GFRA3: variants seen among roughly 807,000 people sequenced by gnomAD.
GFRA3 encodes the protein GDNF family receptor alpha-3.
A neutral mutation model predicts 40.0 loss-of-function variants in GFRA3; 24 were observed. The observed-to-expected ratio is 0.60, with a 90% confidence interval of 0.43 to 0.84. The LOEUF (loss-of-function observed/expected upper bound fraction) is 0.84, where lower values mean the gene tolerates loss of function less well. Among genes scored for constraint, GFRA3 ranks in the 40% least tolerant of loss-of-function variants. The probability of loss-of-function intolerance (pLI) is 0.00; values close to 1 mark genes in which losing one functional copy is unlikely to be tolerated. For missense variants in GFRA3, 405 were observed against 530.6 expected, an observed-to-expected ratio of 0.76 and a Z score of 2.33; for synonymous variants, 203 against 213.5, an observed-to-expected ratio of 0.95 and a Z score of 0.43.
At chr5:138,264,902 T>C (rs1561652151) in intron 1 of GFRA3, among the ~76,000 whole-genome samples, 1 of 152,120 alleles carries the variant, frequency 6.6e-6, no homozygotes, top group Non-Finnish European at 1.5e-5. Flanking sequence ...TGGGCAGGGC[T>C]AGTATCAGAA....
chr5:138,258,502 G>A (rs1002966435), intron 3 of GFRA3, among the ~76,000 whole-genome samples: 16 of 152,012 alleles, frequency 1.1e-4, no homozygotes, highest in Admixed American at 3.9e-4. Flanking sequence ...TCTTGACTAC[G>A]TAAAATAATA....
intron 3 of GFRA3, 36 bp downstream of exon 3, chr5:138,259,516 AGCCCC>A (rs1755681723): frequency 1.1e-6 from 1 of 887,156 alleles, no homozygotes. Context: ...TCCAGGGTCC[AGCCCC>A]AGCCTCTGGT....
Position 138,254,146 on chromosome 5 carries a change from TC to T in GFRA3, c.799del (p.Asp267IlefsTer12). 1 of 1,598,370 alleles carries T rather than the reference TC, an allele frequency of 6.3e-7. No homozygotes were observed. Among genetic ancestry groups the T allele is most frequent in the Non-Finnish European group, 8.6e-7 (1 of 1,166,046 alleles). On this transcript the variant is annotated frameshift_variant, in exon 5 of 8. Coordinates refer to ENST00000274721, the MANE Select transcript of GFRA3 (RefSeq NM_001496.4). LOFTEE classifies it high-confidence loss of function. ...CATGGGATGGCAGTGGGTCTGGAAA[TC>T]CACCAGGCGTGATCTGGAAGAAGGG... ...SDPLCRSRLV[D>X]FQTHCHPMDI... is the part of the protein sequence containing the mutation.
intron 1 of GFRA3, among the ~76,000 whole-genome samples, chr5:138,273,851 TAGA>T (rs1755909156): frequency 6.6e-6 from 1 of 152,216 alleles, no homozygotes; most frequent in African/African-American, 2.4e-5. Context: ...CCTGCTATTG[TAGA>T]AGGTTATGAA....
At chr5:138,267,913 T>C (rs1171074880) in intron 1 of GFRA3, among the ~76,000 whole-genome samples, 1 of 152,072 alleles carries the variant, frequency 6.6e-6, no homozygotes, top group African/African-American at 2.4e-5. Flanking sequence ...CAACAAACGG[T>C]GCTGGGATAA....
At chr5:138,260,622 AGTTG>A (rs1755696186) in intron 2 of GFRA3, among the ~76,000 whole-genome samples, 8 of 152,152 alleles carry the variant, frequency 5.3e-5, no homozygotes, top group African/African-American at 1.9e-4. Context: ...TACAAAAATT[AGTTG>A]GGCATGGTGG....
chr5:138,261,715 A>AAAAAG (rs1554110500), intron 2 of GFRA3, among the ~76,000 whole-genome samples: 2 of 151,016 alleles, frequency 1.3e-5, no homozygotes, highest in Admixed American at 6.6e-5. Flanking sequence ...AAAAAAAAAA[A>AAAAAG]AAGAAGAAGA....
At chr5:138,259,116 A>G (rs970532016) in intron 3 of GFRA3, among the ~76,000 whole-genome samples, 2 of 152,140 alleles carry the variant, frequency 1.3e-5, no homozygotes, top group African/African-American at 4.8e-5. Context: ...CCCCGTGCAG[A>G]GTCACACTCT....
chr5:138,264,639 A>G (rs1447757344), intron 1 of GFRA3, 91 bp from the exon 2 acceptor site: 2 of 856,530 alleles, frequency 2.3e-6, no homozygotes, highest in Admixed American at 5.3e-5. Context: ...GATATTCCTG[A>G]TGAAACTTTG....
chr5:138,273,981 C>G (rs1581516784), intron 1 of GFRA3, among the ~76,000 whole-genome samples: 1 of 152,212 alleles, frequency 6.6e-6, no homozygotes, highest in Admixed American at 6.5e-5. Context: ...TGTTTCTGAT[C>G]TGATTCTCCC....
At chr5:138,257,351 A>G (rs1006201792) in intron 4 of GFRA3, among the ~76,000 whole-genome samples, 1 of 152,236 alleles carries the variant, frequency 6.6e-6, no homozygotes, top group Non-Finnish European at 1.5e-5. Flanking sequence ...AAATGACTGG[A>G]AGGAAATGCT....
At chr5:138,262,551 C>A (rs1199306007) in intron 2 of GFRA3, among the ~76,000 whole-genome samples, 1 of 152,088 alleles carries the variant, frequency 6.6e-6, no homozygotes, top group African/African-American at 2.4e-5. Flanking sequence ...CTCCTGGACT[C>A]AAGTGATCCT....
At position 138,271,407 on chromosome 5, in the gene GFRA3, A is replaced by G. The variant is rs139080460; in HGVS notation, c.91+2927T>C. ...GATGGATTTAGGGGCATTCATCTCA[A>G]CAAAGAACTTGGGGGCCACGTTAAA... On this transcript the variant is annotated intron_variant, in intron 1 of 7. Coordinates refer to ENST00000274721, the MANE Select transcript of GFRA3 (RefSeq NM_001496.4). Among the ~76,000 whole-genome samples, 1,120 of 152,282 alleles carry G rather than the reference A, an allele frequency of 7.4e-3. 8 individuals are homozygous for G. The highest frequency in any genetic ancestry group is 9.4e-3 in the Non-Finnish European group (639 of 68,022).
intron 4 of GFRA3, among the ~76,000 whole-genome samples, chr5:138,254,518 G>A (rs1201863747): frequency 6.6e-6 from 1 of 152,026 alleles, no homozygotes; most frequent in Non-Finnish European, 1.5e-5. Flanking sequence ...TGAGGGTCCA[G>A]CCTGCAGCCT....
intron 6 of GFRA3, 66 bp downstream of exon 6, chr5:138,253,700 C>T: frequency 6.7e-7 from 1 of 1,502,880 alleles, no homozygotes; most frequent in Non-Finnish European, 9.2e-7. Context: ...CAGAGTCGAC[C>T]CTTTTCCTTC....
intron 2 of GFRA3, among the ~76,000 whole-genome samples, chr5:138,260,493 G>A (rs969184535): frequency 2.0e-5 from 3 of 152,230 alleles, no homozygotes; most frequent in African/African-American, 7.2e-5. Context: ...GGGGTGCCGG[G>A]CACGGTGGCT....
intron 2 of GFRA3, among the ~76,000 whole-genome samples, chr5:138,261,693 C>CAAAAAAA (rs70979598): frequency 1.5e-4 from 7 of 46,336 alleles, no homozygotes; most frequent in Non-Finnish European, 1.9e-4. Context: ...GACTCTGTCT[C>CAAAAAAA]AAAAAAAAAA....
At chr5:138,270,122 G>C (rs997514733) in intron 1 of GFRA3, among the ~76,000 whole-genome samples, 2 of 150,346 alleles carry the variant, frequency 1.3e-5, no homozygotes, top group African/African-American at 4.9e-5. Context: ...AGCACTTTGA[G>C]AGGCTGAGAC....
At position 138,252,411 on chromosome 5, in the gene GFRA3, C is replaced by A. The variant is rs1755561952; in HGVS notation, c.*557G>T. 1 of 152,964 alleles carries A rather than the reference C, an allele frequency of 6.5e-6. No homozygotes were observed. The highest frequency in any genetic ancestry group is 1.5e-5 in the Non-Finnish European group (1 of 68,260). 9.5% of individuals were successfully genotyped at this position (152,964 alleles called of 1,614,324 possible). ...CAAAGGTTTAATCATGATCCAAGAG[C>A]CCAGAGAGACTTTAGGACAATAATA... is the stretch of plus-strand genomic sequence containing the variant. On this transcript the variant is annotated 3_prime_UTR_variant, in exon 8 of 8. Coordinates refer to ENST00000274721, the MANE Select transcript of GFRA3 (RefSeq NM_001496.4).
Sources: allele counts gnomAD v4.1 joint callset (sites outside exome capture counted in the v4.1 genomes callset), GRCh38; gene constraint gnomAD v4.1.1; transcripts MANE v1.5; gene names NCBI Gene and HGNC (gene_info 2026-07-23, HGNC 2026-07-21).